The following MYO7B variants were observed in gnomAD, a reference collection of about 807,000 sequenced individuals.
The protein encoded by MYO7B is unconventional myosin-VIIb.
Under a neutral mutation model 259.7 loss-of-function variants are expected in MYO7B, and 212 were observed. That is an observed-to-expected ratio of 0.82 (90% CI 0.73 to 0.91). The LOEUF is 0.91. Among genes scored for constraint, MYO7B ranks in the 40% least tolerant of loss-of-function variants. The pLI is 0.00. For synonymous variants in MYO7B, 1,197 were observed against 1,166.4 expected (o/e 1.03, Z -0.54); for missense variants, 2,732 against 2,813.5 (o/e 0.97, Z 0.66).
chr2:127,571,441 A>AGTTTTTTTTTT lies in MYO7B; in HGVS notation c.592+1532_592+1542dup, dbSNP rs1471728839. 1.2e-3 allele frequency among the ~76,000 whole-genome samples: 22 copies of AGTTTTTTTTTT among 17,620 alleles called. 1 individual carries two copies. Among genetic ancestry groups the AGTTTTTTTTTT allele is most frequent in the African/African-American group, 3.3e-3 (15 of 4,490 alleles). The allele number at this position is 17,620 out of a possible 152,430, so 11.6% of individuals were successfully genotyped here. On this transcript the variant is annotated intron_variant, in intron 6 of 47. Coordinates refer to ENST00000409816, the MANE Select transcript of MYO7B (RefSeq NM_001393586.1). ...TAATTGGTCTATTTCCTTACCAGTG[A>AGTTTTTTTTTT]GTTTTTTTTTTTTTTTTTGCTTGTT... is the stretch of plus-strand genomic sequence containing the variant.
Position 127,624,332 on chromosome 2 carries a change from G to A in MYO7B, c.4047+12G>A. ...ACAGCTTCGAGAAGGTGAGGGGCCT[G>A]AGAGCCAGGTCCACCCTAGGCTTTG... is the stretch of plus-strand genomic sequence containing the variant. On this transcript the variant is annotated intron_variant, in intron 30 of 47. Transcript: ENST00000409816. 6.4e-7 allele frequency: 1 copy of A among 1,560,046 alleles called. No individual in the cohort carries two copies.
intron 3 of MYO7B, among the ~76,000 whole-genome samples, chr2:127,564,518 T>C (rs1678249351): frequency 6.6e-6 from 1 of 152,042 alleles, no homozygotes; most frequent in Non-Finnish European, 1.5e-5. Flanking sequence ...AAAGCCAGTT[T>C]GCAAAATGAA....
intron 40 of MYO7B, 29 bp from the exon 41 acceptor site, chr2:127,634,147 C>T (rs377057123): frequency 8.2e-5 from 127 of 1,545,190 alleles, no homozygotes; most frequent in Admixed American, 7.5e-5. Context: ...AGCCAGGCCC[C>T]GGGCCTCACC....
At chr2:127,595,402 AT>A (rs542714307) in intron 18 of MYO7B, among the ~76,000 whole-genome samples, 21 of 151,704 alleles carry the variant, frequency 1.4e-4, no homozygotes, top group Non-Finnish European at 2.7e-4. Context: ...TATTTTATTA[AT>A]TTTTTCAAAA....
At position 127,636,840 on chromosome 2, in the gene MYO7B, G is replaced by T. The variant is rs1264857807; in HGVS notation, c.6254G>T (p.Ser2085Ile). ...TTCACCAAGATCTCCAGCTGGAGCA[G>T]CGGCAGCACCTACTTCCACATGGCG... is the stretch of plus-strand genomic sequence containing the variant. ...YPFTKISSWS[S>I]GSTYFHMALG... Residue 2085 changes from serine (S) to isoleucine (I), a missense_variant, in exon 47 of 48, where the codon AGC becomes ATC. By Grantham distance (142) the Ser-to-Ile change is moderately radical. Transcript: ENST00000409816. This position sits in a 1 kb window ranked among gnomAD's most constrained non-coding sequence, Gnocchi z 4.5. The T allele has an allele frequency of 3.7e-6, 6 of 1,611,962 alleles. No individual in the cohort carries two copies. The highest frequency in any genetic ancestry group is 5.1e-6 in the Non-Finnish European group (6 of 1,179,148).
intron 6 of MYO7B, 40 bp downstream of exon 6, chr2:127,569,950 C>G: frequency 1.3e-6 from 2 of 1,586,550 alleles, no homozygotes; most frequent in African/African-American, 1.3e-5. Context: ...CCCCCAGCCC[C>G]CCTGGAGCCT....
At position 127,613,212 on chromosome 2, in the gene MYO7B, T is replaced by C. The variant is rs1240457480; in HGVS notation, c.3398+609T>C. On this transcript the variant is annotated intron_variant, in intron 26 of 47. Coordinates refer to ENST00000409816, the MANE Select transcript of MYO7B (RefSeq NM_001393586.1). This position sits in a 1 kb window ranked among gnomAD's most constrained non-coding sequence, Gnocchi z 4.3. Reference sequence around the variant, plus strand: ...TTCCTTCAAAATCTAATTAAGCCTCTGTAAGATTCTTTTATATTGTTCTTC... The same window carrying C: ...TTCCTTCAAAATCTAATTAAGCCTCCGTAAGATTCTTTTATATTGTTCTTC... Among the ~76,000 whole-genome samples, 1 of 152,232 alleles carries C rather than the reference T, an allele frequency of 6.6e-6. No individual in the cohort carries two copies. The highest frequency in any genetic ancestry group is 1.5e-5 in the Non-Finnish European group (1 of 68,042).
Position 127,578,124 on chromosome 2 carries a change from G to A in MYO7B, c.850-9G>A, listed in dbSNP as rs1372874740. The A allele has an allele frequency of 6.2e-7, 1 of 1,613,476 alleles. No homozygotes were observed. Among genetic ancestry groups the A allele is most frequent in the Admixed American group, 1.7e-5 (1 of 60,004 alleles). Reference sequence around the variant, plus strand: ...ATGGCCCCATTCACTGAGGCACCCTGTCCCTCAGGGGAACTGCACTTCCTG... The same window carrying A: ...ATGGCCCCATTCACTGAGGCACCCTATCCCTCAGGGGAACTGCACTTCCTG... On this transcript the variant is annotated splice_polypyrimidine_tract_variant and intron_variant, in intron 8 of 47. Coordinates refer to ENST00000409816, the MANE Select transcript of MYO7B (RefSeq NM_001393586.1).
intron 1 of MYO7B, among the ~76,000 whole-genome samples, chr2:127,553,923 G>C (rs1693544745): frequency 6.6e-6 from 1 of 152,110 alleles, no homozygotes. Flanking sequence ...TTGCACTGAG[G>C]TATGTCCCTT....
chr2:127,541,824 G>A (rs955061981), intron 1 of MYO7B, among the ~76,000 whole-genome samples: 15 of 152,226 alleles, frequency 9.9e-5, no homozygotes, highest in African/African-American at 2.9e-4. Context: ...CCCTGCCTTC[G>A]CTGACTTCCC....
intron 1 of MYO7B, among the ~76,000 whole-genome samples, chr2:127,538,151 G>T (rs1008632428): frequency 1.3e-5 from 2 of 152,162 alleles, no homozygotes; most frequent in Admixed American, 1.3e-4. Flanking sequence ...TGAGGATGAG[G>T]GTGGGGAACG....
In MYO7B at chr2:127,627,391, G is replaced by A. The variant is rs1386711131; in HGVS notation, c.4460+81G>A. On this transcript the variant is annotated intron_variant, in intron 33 of 47. Coordinates refer to ENST00000409816, the MANE Select transcript of MYO7B (RefSeq NM_001393586.1). This position sits in a 1 kb window ranked among gnomAD's most constrained non-coding sequence, Gnocchi z 5.6. ...GGGGGCTCGGGGAGAGATGGGGAGAGGGGCAGTGTGCCGTCCCGGGTAACA... is the reference window on the plus strand; with the variant it reads ...GGGGGCTCGGGGAGAGATGGGGAGAAGGGCAGTGTGCCGTCCCGGGTAACA... 1.3e-6 allele frequency: 2 copies of A among 1,527,068 alleles called. No individual in the cohort carries two copies. Among genetic ancestry groups the A allele is most frequent in the Non-Finnish European group, 8.9e-7 (1 of 1,119,384 alleles). 94.6% of individuals were successfully genotyped at this position (1,527,068 alleles called of 1,614,324 possible). A position where few individuals can be genotyped will look rare whatever the true frequency, so the allele number is the denominator to read the frequency against.
At chr2:127,550,478 G>A (rs1693404287) in intron 1 of MYO7B, among the ~76,000 whole-genome samples, 1 of 151,802 alleles carries the variant, frequency 6.6e-6, no homozygotes, top group South Asian at 2.1e-4. Flanking sequence ...AGGATCCCTT[G>A]AACCCGGGAG....
In MYO7B at chr2:127,590,342, G is replaced by A; in HGVS notation, c.1992+113G>A. 6 of 1,438,422 alleles carry A rather than the reference G, an allele frequency of 4.2e-6. No homozygotes were observed. The South Asian group carries it at 6.4e-5, about 15-fold the overall frequency. The allele number at this position is 1,438,422 out of a possible 1,614,324, so 89.1% of individuals were successfully genotyped here. ...CCTGGCTAGCGTTAGAGCTGTTACT[G>A]CCCCTACCTTACAGATAAGTACACT... On this transcript the variant is annotated intron_variant, in intron 16 of 47. Transcript: ENST00000409816. This position sits in a 1 kb window ranked among gnomAD's most constrained non-coding sequence, Gnocchi z 4.6.
intron 3 of MYO7B, among the ~76,000 whole-genome samples, chr2:127,564,485 C>G (rs1423297326): frequency 1.3e-5 from 2 of 152,202 alleles, no homozygotes; most frequent in South Asian, 2.1e-4. Flanking sequence ...GGGAAAGGGG[C>G]TCTGGAAGGG....
intron 38 of MYO7B, 100 bp from the exon 39 acceptor site, chr2:127,632,146 G>A: frequency 7.2e-7 from 1 of 1,397,102 alleles, no homozygotes; most frequent in Non-Finnish European, 9.6e-7. Flanking sequence ...GGGCCCTCTA[G>A]ACCCCAGGCA....
At chr2:127,632,460 G>C in intron 39 of MYO7B, 59 bp downstream of exon 39, 16 of 1,487,072 alleles carry the variant, frequency 1.1e-5, no homozygotes, top group Non-Finnish European at 1.3e-5. Context: ...CTGGGATGCT[G>C]TGGGGCCTGG....
At chr2:127,555,763 C>T (rs1047214993) in intron 1 of MYO7B, among the ~76,000 whole-genome samples, 1 of 152,046 alleles carries the variant, frequency 6.6e-6, no homozygotes. Context: ...TGAGAGAGTA[C>T]TTGATATAAT....
At chr2:127,633,626 G>T (rs1681638192) in intron 40 of MYO7B, among the ~76,000 whole-genome samples, 1 of 152,222 alleles carries the variant, frequency 6.6e-6, no homozygotes, top group Non-Finnish European at 1.5e-5. Flanking sequence ...GGGCAGCAAG[G>T]GTGAGTCCCA....
Sources: allele counts gnomAD v4.1 joint callset (sites outside exome capture counted in the v4.1 genomes callset), GRCh38; gene constraint gnomAD v4.1.1; non-coding constraint Gnocchi (gnomAD v3.1); transcripts MANE v1.5; gene names NCBI Gene and HGNC (gene_info 2026-07-23, HGNC 2026-07-21).